Variants in SYCP3 observed in about 807,000 individuals in gnomAD.
SYCP3 encodes synaptonemal complex protein 3.
A neutral mutation model predicts 38.5 loss-of-function variants in SYCP3; 29 were observed. The ratio of observed to expected loss-of-function variants is 0.75; its 90% confidence interval spans 0.56 to 1.03. The LOEUF (loss-of-function observed/expected upper bound fraction) is 1.03. Among genes scored for constraint, SYCP3 ranks in the 50% least tolerant of loss-of-function variants. SYCP3 has a pLI of 0.00. For synonymous variants in SYCP3, 79 were observed against 80.3 expected, an observed-to-expected ratio of 0.98 and a Z score of 0.08; for missense variants, 242 against 270.7, an observed-to-expected ratio of 0.89 and a Z score of 0.74.
intron 2 of SYCP3, 90 bp downstream of exon 2, chr12:101,737,713 T>C (rs1952510383): frequency 1.3e-6 from 2 of 1,584,060 alleles, no homozygotes; most frequent in Admixed American, 3.3e-5. Context: ...TACCTGAAAA[T>C]GCTTTACAAA....
At chr12:101,739,200 T>G in intron 1 of SYCP3, 151 bp downstream of exon 1, 1 of 431,152 alleles carries the variant, frequency 2.3e-6, no homozygotes, top group Non-Finnish European at 3.0e-6. Flanking sequence ...CACTAGGCCC[T>G]ATCCTGCTCA....
intron 1 of SYCP3, 186 bp downstream of exon 1, chr12:101,739,165 G>GGCCC: frequency 1.6e-5 from 12 of 747,080 alleles, no homozygotes; most frequent in East Asian, 1.3e-4. Flanking sequence ...ATGGGGCCCA[G>GGCCC]CCCCAGCCCA....
chr12:101,738,274 C>A (rs371097993), intron 1 of SYCP3, among the ~76,000 whole-genome samples: 38 of 136,438 alleles, frequency 2.8e-4, no homozygotes, highest in South Asian at 5.0e-4. Flanking sequence ...AAAAAAAAAA[C>A]AAAATTAACC....
intron 8 of SYCP3, 32 bp from the exon 9 acceptor site, chr12:101,729,012 T>C (rs752194537): frequency 6.2e-7 from 1 of 1,613,144 alleles, no homozygotes; most frequent in South Asian, 1.1e-5. Flanking sequence ...TAAACATTTG[T>C]TTAATTTTTA....
At chr12:101,737,651 C>T in intron 2 of SYCP3, 152 bp downstream of exon 2, 2 of 1,002,472 alleles carry the variant, frequency 2.0e-6, no homozygotes, top group Non-Finnish European at 3.1e-6. Flanking sequence ...GTACAGCTGG[C>T]CATCCGTGTC....
chr12:101,738,077 C>T (rs1432410565), intron 1 of SYCP3, 125 bp from the exon 2 acceptor site: 2 of 1,170,578 alleles, frequency 1.7e-6, no homozygotes, highest in Non-Finnish European at 2.4e-6. Context: ...ACAGTTTCCT[C>T]ATTTATTTGG....
In SYCP3 at chr12:101,729,122, A is replaced by AT. The variant is rs761136347; in HGVS notation, c.643dup (p.Ile215AsnfsTer27). On this transcript the variant is annotated frameshift_variant, in exon 8 of 9. Coordinates refer to ENST00000392924, the MANE Select transcript of SYCP3 (RefSeq NM_001177949.2). LOFTEE classifies it high-confidence loss of function. ...ATGATCACTTACAGTTTCCATCATAATTTTTTTTTGCAACATAGCCATTTC... is the reference window on the plus strand; with the variant it reads ...ATGATCACTTACAGTTTCCATCATAATTTTTTTTTTGCAACATAGCCATTTC... 35 of 1,597,794 alleles carry AT rather than the reference A, an allele frequency of 2.2e-5. No homozygotes were observed. Among genetic ancestry groups the AT allele is most frequent in the South Asian group, 3.3e-5 (3 of 90,038 alleles).
At chr12:101,737,118 C>T in intron 3 of SYCP3, 47 bp from the exon 4 acceptor site, 1 of 1,610,868 alleles carries the variant, frequency 6.2e-7, no homozygotes, top group East Asian at 2.2e-5. Flanking sequence ...CCACAACATA[C>T]CATGCTTGTT....
At chr12:101,730,758 C>A in intron 7 of SYCP3, 1 of 183,316 alleles carries the variant, frequency 5.5e-6, no homozygotes, top group South Asian at 9.3e-5. Flanking sequence ...CCTTGGCATC[C>A]CAAAGTGTCA....
At chr12:101,735,871 A>ATATATATATATTTTTTTTTTTTTT in intron 4 of SYCP3, among the ~76,000 whole-genome samples, 5 of 74,756 alleles carry the variant, frequency 6.7e-5, no homozygotes, top group South Asian at 4.3e-4. Context: ...ATATATATAT[A>ATATATATATATTTTTTTTTTTTTT]TTTTTTTTTT....
intron 2 of SYCP3, 49 bp downstream of exon 2, chr12:101,737,754 A>C (rs1952513364): frequency 6.2e-7 from 1 of 1,612,984 alleles, no homozygotes; most frequent in African/African-American, 1.3e-5. Flanking sequence ...AATGGGTTCA[A>C]AACAAATGAA....
At chr12:101,733,719 T>TA in intron 5 of SYCP3, 45 bp from the exon 6 acceptor site, 1 of 1,557,030 alleles carries the variant, frequency 6.4e-7, no homozygotes. Context: ...CATACCAATA[T>TA]AAAAAGAATT....
intron 6 of SYCP3, 141 bp downstream of exon 6, chr12:101,733,434 G>GT: frequency 1.4e-6 from 1 of 730,438 alleles, no homozygotes. Context: ...TACGTCTGTG[G>GT]TTTACAGTTC....
intron 8 of SYCP3, 64 bp from the exon 9 acceptor site, chr12:101,729,044 A>G: frequency 6.2e-7 from 1 of 1,608,946 alleles, no homozygotes; most frequent in South Asian, 1.1e-5. Context: ...TACCTATTTC[A>G]GCAAATAAAA....
At chr12:101,739,242 T>C (rs1952614041) in intron 1 of SYCP3, 109 bp downstream of exon 1, 2 of 995,508 alleles carry the variant, frequency 2.0e-6, no homozygotes, top group Non-Finnish European at 2.4e-6. Flanking sequence ...GGCCTCCGTT[T>C]TCTCGTCAGA....
Position 101,733,635 on chromosome 12 carries a change from A to T in SYCP3, c.393T>A (p.Thr131=), listed in dbSNP as rs1169785956. Residue 131 remains threonine, a synonymous_variant, in exon 6 of 9, where the codon ACT becomes ACA. Coordinates refer to ENST00000392924, the MANE Select transcript of SYCP3 (RefSeq NM_001177949.2). ...TATCTAAATCCCACTGCTGAAACAA[A>T]GTCAGAAACTGCTGAGAATATTCTT... ...LNQEYSQQFL[T]LFQQWDLDMQ... is the part of the protein sequence containing the mutation. 1.9e-6 allele frequency: 3 copies of T among 1,612,258 alleles called. No individual in the cohort carries two copies. Among genetic ancestry groups the T allele is most frequent in the Non-Finnish European group, 2.5e-6 (3 of 1,179,962 alleles).
At chr12:101,738,052 T>C in intron 1 of SYCP3, 100 bp from the exon 2 acceptor site, 1 of 1,358,058 alleles carries the variant, frequency 7.4e-7, no homozygotes, top group African/African-American at 1.4e-5. Flanking sequence ...ACAAGGATTG[T>C]TGAATACAAT....
At position 101,731,613 on chromosome 12, in the gene SYCP3, G is replaced by A; in HGVS notation, c.507C>T (p.Ser169=). Residue 169 remains serine (S), a synonymous_variant, in exon 7 of 9, where the codon AGC becomes AGT. Coordinates refer to ENST00000392924, the MANE Select transcript of SYCP3 (RefSeq NM_001177949.2). ...ACTGTTTAATTGTTTTCAATCTCTG[G>A]CTCTGAACAATTCTAGATTGTTGAA... ...KILQQSRIVQ[S]QRLKTIKQLY... is the part of the protein sequence containing the mutation. 2 of 1,606,244 alleles carry A rather than the reference G, an allele frequency of 1.2e-6. No individual in the cohort carries two copies. Among genetic ancestry groups the A allele is most frequent in the Non-Finnish European group, 8.5e-7 (1 of 1,178,128 alleles).
intron 6 of SYCP3, chr12:101,732,306 C>T (rs1952221594): frequency 6.6e-6 from 1 of 152,300 alleles, no homozygotes; most frequent in Non-Finnish European, 1.5e-5. Context: ...TTTAGTACTA[C>T]AGCTCAATAA....
Sources: gnomAD v4.1 joint callset for allele counts (sites outside exome capture counted in the v4.1 genomes callset) on GRCh38, gnomAD v4.1.1 for gene constraint, MANE v1.5 for transcripts, NCBI Gene and HGNC (gene_info 2026-07-23, HGNC 2026-07-21) for gene names.